The following PCDHGA7 variants were observed in gnomAD, a reference collection of about 807,000 sequenced individuals.
The protein encoded by PCDHGA7 is protocadherin gamma-A7.
PCDHGA7 carries 44 observed loss-of-function variants against 58.3 expected under a neutral mutation model. That is an observed-to-expected ratio of 0.75 (90% CI 0.59 to 0.97). The LOEUF is 0.97. PCDHGA7 is among the 50% of genes least tolerant of loss of function. The pLI, the probability that PCDHGA7 is intolerant of heterozygous loss-of-function variation, is 0.00. For synonymous variants in PCDHGA7, 516 were observed against 504.2 expected (o/e 1.02, Z -0.31); for missense variants, 1,266 against 1,188.7 (o/e 1.06, Z -0.96).
At chr5:141,393,334 C>A in intron 1 of PCDHGA7, 1 of 1,613,960 alleles carries the variant, frequency 6.2e-7, no homozygotes, top group Non-Finnish European at 8.5e-7. Flanking sequence ...CAGCTCAGCC[C>A]CAATCACCAC....
chr5:141,494,784 C>T, intron 1 of PCDHGA7, 23 bp from the exon 2 acceptor site: 1 of 1,614,110 alleles, frequency 6.2e-7, no homozygotes, highest in Non-Finnish European at 8.5e-7. Flanking sequence ...TACTCAGCCC[C>T]TTTCCCTCTG....
chr5:141,410,849 CTTTTTTTTT>C (rs759346998), intron 1 of PCDHGA7: 2 of 136,714 alleles, frequency 1.5e-5, no homozygotes, highest in African/African-American at 6.3e-5. Context: ...TTGTCTTTGT[CTTTTTTTTT>C]TTTTTTTTTT....
intron 1 of PCDHGA7, chr5:141,388,994 T>C: frequency 6.2e-7 from 1 of 1,614,042 alleles, no homozygotes; most frequent in Non-Finnish European, 8.5e-7. Flanking sequence ...TCAAAGTCCG[T>C]GACAAGGATT....
Position 141,490,973 on chromosome 5 carries a change from G to A in PCDHGA7, c.2425-3834G>A, listed in dbSNP as rs774983500. 5.0e-6 allele frequency: 8 copies of A among 1,613,932 alleles called. No homozygotes were observed. The highest frequency in any genetic ancestry group is 2.2e-5 in the East Asian group (1 of 44,878). On this transcript the variant is annotated intron_variant, in intron 1 of 3. Transcript: ENST00000518325. The surrounding 1 kb of genome is among the most constrained non-coding windows in gnomAD (Gnocchi z 5.4). ...GACTGGGAACACTCAGCCCCCCAGC[G>A]TCTCCCTCGCTCTGCTCCTCCTGGC...
At chr5:141,420,250 A>G (rs757203976) in intron 1 of PCDHGA7, 2 of 1,578,784 alleles carry the variant, frequency 1.3e-6, no homozygotes, top group South Asian at 1.2e-5. Context: ...CCAGCGTTGA[A>G]GCAGATAAGA....
chr5:141,405,353 A>G lies in PCDHGA7; in HGVS notation c.2424+20030A>G, dbSNP rs187461819. 6.9e-5 allele frequency: 112 copies of G among 1,614,026 alleles called. No homozygotes were observed. Among genetic ancestry groups the G allele is most frequent in the Admixed American group, 5.8e-4 (35 of 60,010 alleles). On this transcript the variant is annotated intron_variant, in intron 1 of 3. Coordinates refer to ENST00000518325, the MANE Select transcript of PCDHGA7 (RefSeq NM_018920.4). Reference sequence around the variant, plus strand: ...CGTCTCTGTTGATTCCAAGTTTCCTATAGAAGACACCCCTTTGGTTCCGGT... The same window carrying G: ...CGTCTCTGTTGATTCCAAGTTTCCTGTAGAAGACACCCCTTTGGTTCCGGT...
intron 1 of PCDHGA7, chr5:141,478,686 GA>G (rs2099472024): frequency 6.4e-7 from 1 of 1,551,134 alleles, no homozygotes; most frequent in South Asian, 1.2e-5. Context: ...GCCCTTCCTA[GA>G]TCAAAGTTAG....
At chr5:141,419,527 C>T (rs755936657) in intron 1 of PCDHGA7, 4 of 1,612,064 alleles carry the variant, frequency 2.5e-6, no homozygotes, top group Non-Finnish European at 2.5e-6. Context: ...GCGACCGTAA[C>T]GACAACGCAC....
chr5:141,492,616 G>A (rs976681246), intron 1 of PCDHGA7, among the ~76,000 whole-genome samples: 1 of 152,252 alleles, frequency 6.6e-6, no homozygotes. Flanking sequence ...CTAAGTGCCG[G>A]GCGGGCAGGA....
intron 1 of PCDHGA7, among the ~76,000 whole-genome samples, chr5:141,462,769 G>T (rs1462290112): frequency 6.6e-6 from 1 of 151,956 alleles, no homozygotes; most frequent in African/African-American, 2.4e-5. Flanking sequence ...TCCTGGCTTG[G>T]GGTCATAATT....
In PCDHGA7 at chr5:141,489,152, A is replaced by C; in HGVS notation, c.2425-5655A>C. The C allele has an allele frequency of 2.1e-6, 2 of 960,350 alleles. No individual in the cohort carries two copies. Among genetic ancestry groups the C allele is most frequent in the Non-Finnish European group, 3.1e-6 (2 of 640,552 alleles). 59.5% of individuals were successfully genotyped at this position (960,350 alleles called of 1,614,324 possible). A position where few individuals can be genotyped will look rare whatever the true frequency, so the allele number is the denominator to read the frequency against. On this transcript the variant is annotated intron_variant, in intron 1 of 3. Transcript: ENST00000518325. This position sits in a 1 kb window ranked among gnomAD's most constrained non-coding sequence, Gnocchi z 4.5. The stretch of plus-strand genomic sequence containing the variant: ...TTTTAAGAGGCTGGAAGGAGACATA[A>C]GAGACTTCAGCTGCTGCATTCCAAG...
At chr5:141,426,521 C>T (rs184198267) in intron 1 of PCDHGA7, 14 of 341,908 alleles carry the variant, frequency 4.1e-5, no homozygotes, top group Admixed American at 7.6e-5. Flanking sequence ...ACCGTGAACA[C>T]GGAGAATGGG....
At chr5:141,504,240 G>A (rs1275204117) in intron 2 of PCDHGA7, among the ~76,000 whole-genome samples, 1 of 152,182 alleles carries the variant, frequency 6.6e-6, no homozygotes, top group Non-Finnish European at 1.5e-5. Context: ...AAGAAGCAGA[G>A]AGTTCTTCTT....
chr5:141,499,689 C>CTTTTTTTT (rs545067566), intron 2 of PCDHGA7, among the ~76,000 whole-genome samples: 2 of 119,854 alleles, frequency 1.7e-5, no homozygotes, highest in Non-Finnish European at 1.7e-5. Context: ...TAACAGATGA[C>CTTTTTTTT]TTTTTTTTTT....
chr5:141,497,796 TC>T (rs1251163385), intron 2 of PCDHGA7, among the ~76,000 whole-genome samples: 2 of 152,160 alleles, frequency 1.3e-5, no homozygotes, highest in African/African-American at 2.4e-5. Context: ...TGCTTCAGCT[TC>T]CCAAAGTGCT....
At chr5:141,438,362 T>C (rs1471364176) in intron 1 of PCDHGA7, among the ~76,000 whole-genome samples, 1 of 151,850 alleles carries the variant, frequency 6.6e-6, no homozygotes, top group East Asian at 1.9e-4. Flanking sequence ...TGTATTGTCA[T>C]TGAGGGCAGA....
intron 1 of PCDHGA7, chr5:141,398,946 C>A: frequency 6.2e-7 from 1 of 1,613,948 alleles, no homozygotes; most frequent in Non-Finnish European, 8.5e-7. Flanking sequence ...ACGAGGGCAT[C>A]AACTCAGAAA....
chr5:141,486,091 G>T lies in PCDHGA7; in HGVS notation c.2425-8716G>T. ...CTACTGGAAAGCTTACTCTTTTGGG[G>T]CCCCTAGACTTTGAGAGTGAGAATT... On this transcript the variant is annotated intron_variant, in intron 1 of 3. Coordinates refer to ENST00000518325, the MANE Select transcript of PCDHGA7 (RefSeq NM_018920.4). This position sits in a 1 kb window ranked among gnomAD's most constrained non-coding sequence, Gnocchi z 5.0. 1 of 1,614,158 alleles carries T rather than the reference G, an allele frequency of 6.2e-7. No homozygotes were observed. Among genetic ancestry groups the T allele is most frequent in the South Asian group, 1.1e-5 (1 of 91,078 alleles).
In PCDHGA7 at chr5:141,485,099, G is replaced by T; in HGVS notation, c.2425-9708G>T. The T allele has an allele frequency of 8.7e-7, 1 of 1,145,218 alleles. No individual in the cohort carries two copies. Among genetic ancestry groups the T allele is most frequent in the Non-Finnish European group, 1.3e-6 (1 of 775,682 alleles). 70.9% of individuals were successfully genotyped at this position (1,145,218 alleles called of 1,614,324 possible). A position where few individuals can be genotyped will look rare whatever the true frequency, so the allele number is the denominator to read the frequency against. ...GGGGAAAGGGAGATAGGTGTCTCCA[G>T]CTGCTGTGGCTGTTTGGGGCGGGTC... On this transcript the variant is annotated intron_variant, in intron 1 of 3. Transcript: ENST00000518325. The surrounding 1 kb of genome is among the most constrained non-coding windows in gnomAD (Gnocchi z 5.7).
Sources: gnomAD v4.1 joint callset for allele counts (sites outside exome capture counted in the v4.1 genomes callset) on GRCh38, gnomAD v4.1.1 for gene constraint, Gnocchi (gnomAD v3.1) non-coding constraint, MANE v1.5 for transcripts, NCBI Gene and HGNC (gene_info 2026-07-23, HGNC 2026-07-21) for gene names.